MINPP1: variants seen among roughly 807,000 people sequenced by gnomAD.
MINPP1 encodes multiple inositol polyphosphate phosphatase 1.
In MINPP1, 28 loss-of-function variants were observed where a neutral mutation model predicts 46.1. The ratio of observed to expected loss-of-function variants is 0.61; its 90% CI spans 0.45 to 0.83. MINPP1 has a LOEUF of 0.83. Ranked by LOEUF, MINPP1 falls within the 40% of genes least tolerant of loss-of-function variation. MINPP1 has a pLI of 0.00. For missense variants in MINPP1, 603 were observed against 610.0 expected (o/e 0.99, Z 0.12); for synonymous variants, 268 against 249.1 (o/e 1.08, Z -0.72).
chr10:87,531,510 G>T (rs1025035895), intron 4 of MINPP1, among the ~76,000 whole-genome samples: 16 of 152,210 alleles, frequency 1.1e-4, no homozygotes, highest in African/African-American at 3.9e-4. Context: ...GTTCTGTGGT[G>T]TAGAGGCAAT....
chr10:87,514,242 G>A (rs1851378626), intron 3 of MINPP1, among the ~76,000 whole-genome samples: 1 of 152,138 alleles, frequency 6.6e-6, no homozygotes, highest in South Asian at 2.1e-4. Flanking sequence ...CCACCATCAG[G>A]ATGCTTCACC....
intron 4 of MINPP1, among the ~76,000 whole-genome samples, chr10:87,535,850 G>A (rs946094825): frequency 1.2e-4 from 19 of 152,076 alleles, no homozygotes; most frequent in Admixed American, 5.2e-4. Context: ...GATCACCTGA[G>A]CCAGGGAGCT....
chr10:87,537,082 A>T (rs1169426307), intron 4 of MINPP1, among the ~76,000 whole-genome samples: 1 of 152,098 alleles, frequency 6.6e-6, no homozygotes, highest in African/African-American at 2.4e-5. Context: ...GATTACAGGC[A>T]TGTGCCACCA....
At chr10:87,531,496 T>G (rs1396977817) in intron 4 of MINPP1, among the ~76,000 whole-genome samples, 1 of 152,208 alleles carries the variant, frequency 6.6e-6, no homozygotes, top group African/African-American at 2.4e-5. Context: ...TAGTAGCAGG[T>G]GCAGTTCTGT....
Position 87,505,362 on chromosome 10 carries a change from G to C in MINPP1, c.447G>C (p.Lys149Asn). The change falls in exon 1 of 5, where the codon AAG (lysine) becomes AAC (asparagine). Residue 149 changes from lysine (K) to asparagine (N), a missense_variant. Lys to Asn is a moderately conservative substitution (Grantham distance 94). Around this residue, in one of 3 missense-constraint regions of MINPP1, gnomAD observed 20 missense variants for 39.5 expected, o/e 0.51. Coordinates refer to ENST00000371996, the MANE Select transcript of MINPP1 (RefSeq NM_004897.5). This position sits in a 1 kb window ranked among gnomAD's most constrained non-coding sequence, Gnocchi z 4.4. The stretch of plus-strand genomic sequence containing the variant: ...GGATGGACGGGCAGCTAGTAGAGAA[G>C]GGACGGCAGGATATGCGACAGCTGG... ...ADWMDGQLVE[K>N]GRQDMRQLAL... The C allele has an allele frequency of 6.2e-7, 1 of 1,614,038 alleles. No individual in the cohort carries two copies. Among genetic ancestry groups the C allele is most frequent in the Non-Finnish European group, 8.5e-7 (1 of 1,179,936 alleles).
At chr10:87,508,083 G>A (rs932876135) in intron 1 of MINPP1, 9 of 1,480,360 alleles carry the variant, frequency 6.1e-6, no homozygotes, top group Middle Eastern at 2.4e-4. Flanking sequence ...ATTTCATTGC[G>A]TAGCATCTCT....
In MINPP1 at chr10:87,552,459, G is replaced by A. The variant is rs760278370; in HGVS notation, c.1445G>A (p.Ser482Asn). Residue 482 changes from serine to asparagine, a missense_variant, in exon 5 of 5, where the codon AGT (serine) becomes AAT (asparagine). By Grantham distance (46) the Ser-to-Asn change is conservative. Coordinates refer to ENST00000371996, the MANE Select transcript of MINPP1 (RefSeq NM_004897.5). ...SEECELARAN[S>N]TSDEL is the part of the protein sequence containing the mutation. The stretch of plus-strand genomic sequence containing the variant: ...GAATGTGAATTAGCAAGGGCTAACA[G>A]TACATCTGATGAACTATGAGTAACT... The A allele has an allele frequency of 6.2e-6, 10 of 1,612,798 alleles. No homozygotes were observed. In the Admixed American group the frequency reaches 1.5e-4, roughly 24 times the overall value.
intron 4 of MINPP1, among the ~76,000 whole-genome samples, chr10:87,523,722 A>G (rs766393670): frequency 2.6e-5 from 4 of 152,178 alleles, no homozygotes; most frequent in Admixed American, 6.5e-5. Context: ...TACTTGATCT[A>G]TGGGATGCAG....
At chr10:87,518,167 G>GC (rs1851441419) in intron 3 of MINPP1, among the ~76,000 whole-genome samples, 1 of 151,044 alleles carries the variant, frequency 6.6e-6, no homozygotes. Flanking sequence ...CACCCTGTTA[G>GC]CCAGGATGGT....
In MINPP1 at chr10:87,526,004, C is replaced by A. The variant is rs191783189; in HGVS notation, c.1067+4835C>A. Among the ~76,000 whole-genome samples the A allele has an allele frequency of 2.6e-5, 4 of 152,198 alleles. No homozygotes were observed. The East Asian group carries it at 7.7e-4, about 29-fold the overall frequency. ...AAGTCTTTGCTATTGTGAATAGTGC[C>A]GCAATAAACATACATGTGCATGTAT... On this transcript the variant is annotated intron_variant, in intron 4 of 4. Coordinates refer to ENST00000371996, the MANE Select transcript of MINPP1 (RefSeq NM_004897.5).
intron 1 of MINPP1, among the ~76,000 whole-genome samples, chr10:87,507,418 A>G (rs1032573025): frequency 3.3e-5 from 5 of 152,330 alleles, no homozygotes; most frequent in Non-Finnish European, 7.4e-5. Context: ...CCTAGTCAAG[A>G]TATTTTCTTA....
intron 4 of MINPP1, among the ~76,000 whole-genome samples, chr10:87,522,962 A>G (rs945438827): frequency 2.0e-5 from 3 of 152,196 alleles, no homozygotes; most frequent in African/African-American, 7.2e-5. Context: ...TAGTATCTTC[A>G]CCAGGCGTAG....
At chr10:87,522,196 A>AT (rs1286539037) in intron 4 of MINPP1, among the ~76,000 whole-genome samples, 1 of 152,128 alleles carries the variant, frequency 6.6e-6, no homozygotes, top group South Asian at 2.1e-4. Context: ...AAGTGGAAAA[A>AT]TTTTTTTTAA....
intron 4 of MINPP1, among the ~76,000 whole-genome samples, chr10:87,540,271 A>G (rs908741762): frequency 7.9e-5 from 12 of 152,254 alleles, no homozygotes; most frequent in Non-Finnish European, 1.0e-4. Flanking sequence ...ATGAGACCAT[A>G]GATAAAATAT....
intron 4 of MINPP1, 144 bp from the exon 5 acceptor site, chr10:87,551,938 G>GC: frequency 3.0e-6 from 2 of 675,854 alleles, no homozygotes. Flanking sequence ...TCAGCCGTAT[G>GC]CTTGTGTAAT....
chr10:87,544,421 A>T (rs1851860017), intron 4 of MINPP1, among the ~76,000 whole-genome samples: 1 of 152,156 alleles, frequency 6.6e-6, no homozygotes, highest in Admixed American at 6.5e-5. Context: ...CTTAGACATG[A>T]TTAATTAAAC....
In MINPP1 at chr10:87,549,490, T is replaced by C. The variant is rs569739187; in HGVS notation, c.1068-2592T>C. On this transcript the variant is annotated intron_variant, in intron 4 of 4. Transcript: ENST00000371996. ...CCAGCAACATGTGATTGTTTGGTGC[T>C]TAAAAAGCAGCTGGTCTGAGCGAAG... is the stretch of plus-strand genomic sequence containing the variant. 2.0e-5 allele frequency among the ~76,000 whole-genome samples: 3 copies of C among 152,348 alleles called. No individual in the cohort carries two copies. The East Asian group carries it at 5.8e-4, about 29-fold the overall frequency.
intron 2 of MINPP1, among the ~76,000 whole-genome samples, chr10:87,510,282 A>G (rs746231887): frequency 6.6e-6 from 1 of 152,174 alleles, no homozygotes; most frequent in Non-Finnish European, 1.5e-5. Context: ...GGGTGATGCT[A>G]TATGTATTTT....
At chr10:87,536,557 A>G (rs968235617) in intron 4 of MINPP1, among the ~76,000 whole-genome samples, 2 of 152,124 alleles carry the variant, frequency 1.3e-5, no homozygotes, top group African/African-American at 4.8e-5. Context: ...GACCCTTTCT[A>G]ATTCACTTTC....
Sources: allele counts gnomAD v4.1 joint callset (sites outside exome capture counted in the v4.1 genomes callset), GRCh38; gene constraint gnomAD v4.1.1; regional missense constraint gnomAD v4.1.1; non-coding constraint Gnocchi (gnomAD v3.1); transcripts MANE v1.5; gene names NCBI Gene and HGNC (gene_info 2026-07-23, HGNC 2026-07-21).